The following PTPRU variants were observed in gnomAD, a reference collection of about 807,000 sequenced individuals.
PTPRU encodes the protein protein tyrosine phosphatase receptor type U, also known as receptor-type tyrosine-protein phosphatase U.
A neutral mutation model predicts 166.3 loss-of-function variants in PTPRU; 69 were observed. The ratio of observed to expected loss-of-function variants is 0.41; its 90% CI spans 0.34 to 0.51. The LOEUF is 0.51. PTPRU is among the 20% of genes least tolerant of loss of function. The pLI is 0.09. For missense variants in PTPRU, 1,657 were observed against 2,013.7 expected (o/e 0.82, Z 3.39); for synonymous variants, 793 against 814.0 (o/e 0.97, Z 0.44).
At position 29,291,889 on chromosome 1, in the gene PTPRU, A is replaced by G. The variant is rs1686652001; in HGVS notation, c.2339A>G (p.Lys780Arg). The G allele has an allele frequency of 6.2e-7, 1 of 1,613,992 alleles. No homozygotes were observed. Among genetic ancestry groups the G allele is most frequent in the African/African-American group, 1.3e-5 (1 of 75,040 alleles). ...IRKGKPVNMT[K>R]ATVNYRQEKT... ...TCCAGGAAGCCGGTGAACATGACCA[A>G]GGCCACCGTCAACTACCGCCAGGAG... is the stretch of plus-strand genomic sequence containing the variant. Residue 780 changes from lysine (K) to arginine (R), a missense_variant, in exon 15 of 30, where the codon AAG (lysine) becomes AGG (arginine). Coordinates refer to ENST00000373779, the MANE Select transcript of PTPRU (RefSeq NM_133178.4). The surrounding 1 kb of genome is among the most constrained non-coding windows in gnomAD (Gnocchi z 4.1).
In PTPRU at chr1:29,260,133, C is replaced by CGGGGGGG; in HGVS notation, c.850+90_850+91insGGGGGGG. 20 of 352,396 alleles carry CGGGGGGG rather than the reference C, an allele frequency of 5.7e-5. No homozygotes were observed. The highest frequency in any genetic ancestry group is 7.9e-5 in the East Asian group (1 of 12,696). 21.8% of individuals were successfully genotyped at this position (352,396 alleles called of 1,614,324 possible). On this transcript the variant is annotated intron_variant, in intron 6 of 29. Coordinates refer to ENST00000373779, the MANE Select transcript of PTPRU (RefSeq NM_133178.4). The surrounding 1 kb of genome is among the most constrained non-coding windows in gnomAD (Gnocchi z 8.3). ...GGCGGGCTCTGCCCGGGGGCGTGGC[C>CGGGGGGG]GTGGGGGGTGGGGCCGGCAGGGTGT...
At chr1:29,323,107 G>GC in intron 26 of PTPRU, 1 of 439,874 alleles carries the variant, frequency 2.3e-6, no homozygotes, top group Non-Finnish European at 4.2e-6. Context: ...CTGCACAGCA[G>GC]TAGGCATCAG....
intron 7 of PTPRU, among the ~76,000 whole-genome samples, chr1:29,272,926 A>AT (rs1685633179): frequency 6.6e-6 from 1 of 150,616 alleles, no homozygotes; most frequent in South Asian, 2.1e-4. Flanking sequence ...AAAAAAAAAA[A>AT]AGAAAAAAAA....
Position 29,325,965 on chromosome 1 carries a change from G to T in PTPRU, c.*304G>T. Reference sequence around the variant, plus strand: ...TGGCAGAGTGACAAAGGCTCAGGACGGCTGGCTCTGGGGGACTCAGGCCAA... The same window carrying T: ...TGGCAGAGTGACAAAGGCTCAGGACTGCTGGCTCTGGGGGACTCAGGCCAA... On this transcript the variant is annotated 3_prime_UTR_variant, in exon 30 of 30. Transcript: ENST00000373779. The T allele has an allele frequency of 2.2e-6, 1 of 448,428 alleles. No individual in the cohort carries two copies. Among genetic ancestry groups the T allele is most frequent in the South Asian group, 6.7e-5 (1 of 14,960 alleles). 27.8% of individuals were successfully genotyped at this position (448,428 alleles called of 1,614,324 possible).
At chr1:29,245,314 G>A (rs1487928176) in intron 1 of PTPRU, among the ~76,000 whole-genome samples, 1 of 152,186 alleles carries the variant, frequency 6.6e-6, no homozygotes, top group African/African-American at 2.4e-5. Flanking sequence ...GGAAGATGTT[G>A]GAGGGAGGGA....
chr1:29,284,930 C>T, intron 14 of PTPRU, 61 bp downstream of exon 14: 1 of 1,547,444 alleles, frequency 6.5e-7, no homozygotes, highest in Non-Finnish European at 8.7e-7. Context: ...CCTGGTGGCA[C>T]AGAGGAATAG....
At position 29,279,187 on chromosome 1, in the gene PTPRU, C is replaced by A; in HGVS notation, c.1563+66C>A. ...AGGTGAGAGGTGGCCCTCTTTCTCT[C>A]TGCTGCTACAGTAGGAGGTGCATGG... On this transcript the variant is annotated intron_variant, in intron 9 of 29. Transcript: ENST00000373779. The surrounding 1 kb of genome is among the most constrained non-coding windows in gnomAD (Gnocchi z 5.2). 1.5e-6 allele frequency: 2 copies of A among 1,340,404 alleles called. No homozygotes were observed. The highest frequency in any genetic ancestry group is 2.0e-5 in the Admixed American group (1 of 50,172). The allele number at this position is 1,340,404 out of a possible 1,614,324, so 83.0% of individuals were successfully genotyped here. A position where few individuals can be genotyped will look rare whatever the true frequency, so the allele number is the denominator to read the frequency against.
intron 1 of PTPRU, among the ~76,000 whole-genome samples, chr1:29,245,848 T>C (rs553059943): frequency 1.3e-5 from 2 of 152,330 alleles, no homozygotes; most frequent in Non-Finnish European, 2.9e-5. Context: ...CATTGCATGT[T>C]TGTGTCATAG....
chr1:29,314,352 C>A (rs1361755583), intron 22 of PTPRU, among the ~76,000 whole-genome samples: 1 of 152,144 alleles, frequency 6.6e-6, no homozygotes, highest in East Asian at 1.9e-4. Flanking sequence ...CTAAGTTAAG[C>A]CCCACCAGGG....
rs140350988 is a variant in PTPRU, at chr1:29,312,970, G to A, written c.3227+264G>A. On this transcript the variant is annotated intron_variant, in intron 22 of 29. Transcript: ENST00000373779. ...GCACTGGAGATAGGGAGGGGCCTCC[G>A]GGCCGCTGAGGCGCCAGGCACGATT... is the stretch of plus-strand genomic sequence containing the variant. Among the ~76,000 whole-genome samples, 226 of 152,268 alleles carry A rather than the reference G, an allele frequency of 1.5e-3. 1 individual carries two copies. Among genetic ancestry groups the A allele is most frequent in the Admixed American group, 3.2e-3 (49 of 15,306 alleles).
intron 8 of PTPRU, among the ~76,000 whole-genome samples, chr1:29,277,800 A>ATTTTTTTT (rs1478190246): frequency 4.8e-5 from 2 of 41,812 alleles, no homozygotes; most frequent in Non-Finnish European, 1.1e-4. Flanking sequence ...CACAGTTGTC[A>ATTTTTTTT]TTCTTTTTTT....
intron 1 of PTPRU, among the ~76,000 whole-genome samples, chr1:29,253,205 A>C (rs1057003169): frequency 1.3e-5 from 2 of 152,250 alleles, no homozygotes; most frequent in African/African-American, 4.8e-5. Context: ...CCATCCTCCA[A>C]GAAGCTCCAT....
chr1:29,282,245 A>C (rs917772124), intron 11 of PTPRU, among the ~76,000 whole-genome samples: 7 of 152,240 alleles, frequency 4.6e-5, no homozygotes, highest in South Asian at 4.1e-4. Flanking sequence ...GAATCTGGCT[A>C]ACCCTGTCAT....
At chr1:29,247,567 G>C (rs1453558622) in intron 1 of PTPRU, among the ~76,000 whole-genome samples, 1 of 152,204 alleles carries the variant, frequency 6.6e-6, no homozygotes, top group Non-Finnish European at 1.5e-5. Flanking sequence ...TCTATACTCT[G>C]TCTTCGTATG....
Position 29,279,594 on chromosome 1 carries a change from C to T in PTPRU, c.1702C>T (p.Arg568Trp), listed in dbSNP as rs1406049775. 9.3e-6 allele frequency: 15 copies of T among 1,613,926 alleles called. No individual in the cohort carries two copies. Among genetic ancestry groups the T allele is most frequent in the South Asian group, 4.4e-5 (4 of 91,086 alleles). ...HPGTTYLFSVRARTGKGFGQA... is the reference protein window; with the variant it reads ...HPGTTYLFSVWARTGKGFGQA... The stretch of plus-strand genomic sequence containing the variant: ...AGGCACCACCTACCTGTTCTCCGTG[C>T]GGGCCCGCACAGGCAAAGGCTTCGG... The change falls in exon 10 of 30, where the codon CGG (arginine) becomes TGG (tryptophan). Residue 568 changes from arginine to tryptophan, a missense_variant. Arg to Trp is a moderately radical substitution (Grantham distance 101). Around this residue, in one of 3 missense-constraint regions of PTPRU, gnomAD observed 1,190 missense variants for 1,477.4 expected, o/e 0.81. Transcript: ENST00000373779. This position sits in a 1 kb window ranked among gnomAD's most constrained non-coding sequence, Gnocchi z 5.2.
At position 29,291,958 on chromosome 1, in the gene PTPRU, A is replaced by G. The variant is rs150111261; in HGVS notation, c.2408A>G (p.Gln803Arg). 605 of 1,614,200 alleles carry G rather than the reference A, an allele frequency of 3.7e-4. 3 individuals carry two copies. In the African/African-American group the frequency reaches 7.6e-3, roughly 20 times the overall value. ...GCCGTGGACCGCAGCTTCACAGACC[A>G]GAGCACCCTGCAGGAGGACGAGCGG... ...MSAVDRSFTD[Q>R]STLQEDERLG... is the part of the protein sequence containing the mutation. The change falls in exon 15 of 30, where the codon CAG becomes CGG. Residue 803 changes from glutamine to arginine, a missense_variant. Transcript: ENST00000373779. The surrounding 1 kb of genome is among the most constrained non-coding windows in gnomAD (Gnocchi z 4.1).
intron 28 of PTPRU, among the ~76,000 whole-genome samples, chr1:29,324,466 C>T (rs1688312039): frequency 6.6e-6 from 1 of 152,128 alleles, no homozygotes; most frequent in Non-Finnish European, 1.5e-5. Context: ...GGGAGAGGCA[C>T]GGAGGGGATG....
chr1:29,243,480 C>T (rs937892831), intron 1 of PTPRU, among the ~76,000 whole-genome samples: 2 of 152,280 alleles, frequency 1.3e-5, no homozygotes, highest in African/African-American at 4.8e-5. Flanking sequence ...TGCCAGTTCA[C>T]ACCTCTCTAC....
rs1161050516 is a variant in PTPRU, at chr1:29,260,698, C to T, written c.939C>T (p.Gly313=). Residue 313 remains glycine (G), a synonymous_variant, in exon 7 of 30, where the codon GGC becomes GGT. Transcript: ENST00000373779. The surrounding 1 kb of genome is among the most constrained non-coding windows in gnomAD (Gnocchi z 8.3). ...AGCTCAACACCAACTCCATCATTGG[C>T]GACGGGCCGATCGTGCGCAAGGAGA... is the stretch of plus-strand genomic sequence containing the variant. The part of the protein sequence containing the change: ...IIQLNTNSII[G]DGPIVRKEIE... 6 of 1,586,170 alleles carry T rather than the reference C, an allele frequency of 3.8e-6. No homozygotes were observed. The African/African-American group carries it at 8.1e-5, about 21-fold the overall frequency.
Sources: allele counts gnomAD v4.1 joint callset (sites outside exome capture counted in the v4.1 genomes callset), GRCh38; gene constraint gnomAD v4.1.1; regional missense constraint gnomAD v4.1.1; non-coding constraint Gnocchi (gnomAD v3.1); transcripts MANE v1.5; gene names NCBI Gene and HGNC (gene_info 2026-07-23, HGNC 2026-07-21).